Variants in PRTG observed in about 807,000 individuals in gnomAD.
The protein encoded by PRTG is protogenin.
PRTG carries 67 observed loss-of-function variants against 122.5 expected under a neutral mutation model. That is an observed-to-expected ratio of 0.55 (90% CI 0.45 to 0.67). The LOEUF is 0.67. PRTG is among the 30% of genes least tolerant of loss of function. PRTG has a pLI of 0.00. For synonymous variants in PRTG, 554 were observed against 501.1 expected, an observed-to-expected ratio of 1.11 and a Z score of -1.41; for missense variants, 1,435 against 1,415.4, an observed-to-expected ratio of 1.01 and a Z score of -0.22.
chr15:55,739,735 AAGAAATC>A (rs1460032832), intron 2 of PRTG, among the ~76,000 whole-genome samples: 1 of 152,218 alleles, frequency 6.6e-6, no homozygotes, highest in Non-Finnish European at 1.5e-5. Flanking sequence ...GTTAATACAA[AAGAAATC>A]ATTAGATAGC....
intron 11 of PRTG, among the ~76,000 whole-genome samples, chr15:55,647,137 G>A (rs748926833): frequency 5.3e-5 from 8 of 152,202 alleles, no homozygotes; most frequent in East Asian, 3.9e-4. Flanking sequence ...AGGAATAGCC[G>A]GGCGTGGTGG....
intron 15 of PRTG, among the ~76,000 whole-genome samples, chr15:55,631,611 T>C (rs1054084166): frequency 6.6e-6 from 1 of 152,236 alleles, no homozygotes; most frequent in Non-Finnish European, 1.5e-5. Context: ...ATTAGTGTGA[T>C]TATTTCCGTC....
chr15:55,712,519 C>T (rs1442179346), intron 2 of PRTG, among the ~76,000 whole-genome samples: 2 of 152,042 alleles, frequency 1.3e-5, no homozygotes, highest in African/African-American at 4.8e-5. Flanking sequence ...CCAATTTGAT[C>T]ACTAAGACAA....
intron 11 of PRTG, among the ~76,000 whole-genome samples, chr15:55,643,712 C>A (rs1396769391): frequency 6.6e-6 from 1 of 151,734 alleles, no homozygotes; most frequent in Non-Finnish European, 1.5e-5. Context: ...GAATGAGCCA[C>A]TGCAGCAGGC....
Position 55,639,963 on chromosome 15 carries a change from C to G in PRTG, c.2138-135G>C, listed in dbSNP as rs747223715. 6.8e-4 allele frequency: 989 copies of G among 1,461,696 alleles called. 2 individuals carry two copies. The highest frequency in any genetic ancestry group is 8.5e-4 in the Non-Finnish European group (938 of 1,107,496). The allele number at this position is 1,461,696 out of a possible 1,614,324, so 90.5% of individuals were successfully genotyped here. A position where few individuals can be genotyped will look rare whatever the true frequency, so the allele number is the denominator to read the frequency against. On this transcript the variant is annotated intron_variant, in intron 12 of 19. Transcript: ENST00000389286. ...TCTTCCACCAGAGATTCATAGTGAT[C>G]TAGAGATGTATCATCCAAACCTAAA... is the stretch of plus-strand genomic sequence containing the variant.
At chr15:55,665,852 T>C (rs1034718440) in intron 11 of PRTG, among the ~76,000 whole-genome samples, 1 of 152,188 alleles carries the variant, frequency 6.6e-6, no homozygotes, top group African/African-American at 2.4e-5. Flanking sequence ...TATATTTCAC[T>C]GTACCCAGCC....
intron 11 of PRTG, among the ~76,000 whole-genome samples, chr15:55,665,652 TCTC>T (rs1425483997): frequency 2.0e-5 from 3 of 151,862 alleles, no homozygotes; most frequent in African/African-American, 7.3e-5. Flanking sequence ...TTGAAGCAAT[TCTC>T]CTGCTTCAGC....
At chr15:55,713,748 T>G (rs1339644796) in intron 2 of PRTG, among the ~76,000 whole-genome samples, 1 of 152,050 alleles carries the variant, frequency 6.6e-6, no homozygotes, top group African/African-American at 2.4e-5. Context: ...TTTACTAGGA[T>G]GTTTGCTTCT....
chr15:55,640,609 T>C (rs1222584348), intron 12 of PRTG, among the ~76,000 whole-genome samples: 4 of 152,230 alleles, frequency 2.6e-5, no homozygotes, highest in Admixed American at 2.6e-4. Context: ...AGATATTCAG[T>C]GGTTATTTTC....
chr15:55,630,171 A>G (rs1001549826), intron 15 of PRTG, among the ~76,000 whole-genome samples: 1 of 152,038 alleles, frequency 6.6e-6, no homozygotes, highest in Admixed American at 6.6e-5. Context: ...TATTTTTAGT[A>G]GAGACAGGGT....
At chr15:55,703,630 G>A (rs936427494) in intron 2 of PRTG, among the ~76,000 whole-genome samples, 6 of 152,166 alleles carry the variant, frequency 3.9e-5, no homozygotes, top group South Asian at 2.1e-4. Flanking sequence ...GTAAGTTTTC[G>A]ATAATCATTA....
In PRTG at chr15:55,679,385, C is replaced by T. The variant is rs1567096090; in HGVS notation, c.1034G>A (p.Arg345Gln). 4 of 1,613,480 alleles carry T rather than the reference C, an allele frequency of 2.5e-6. No homozygotes were observed. The highest frequency in any genetic ancestry group is 2.5e-6 in the Non-Finnish European group (3 of 1,179,530). ...SLTRPRAGTARFVCQAEGIPS... is the reference protein window; with the variant it reads ...SLTRPRAGTAQFVCQAEGIPS... ...GATTCCTTCTGCCTGACACACAAAT[C>T]GAGCAGTGCCAGCTCGAGGCCTTGT... is the stretch of plus-strand genomic sequence containing the variant. Residue 345 changes from arginine to glutamine, a missense_variant, in exon 7 of 20, where the codon CGA (arginine) becomes CAA (glutamine). Arg to Gln is a conservative substitution (Grantham distance 43). Coordinates refer to ENST00000389286, the MANE Select transcript of PRTG (RefSeq NM_173814.6).
chr15:55,698,994 C>T (rs1275314206), intron 2 of PRTG, among the ~76,000 whole-genome samples: 2 of 152,072 alleles, frequency 1.3e-5, no homozygotes, highest in Non-Finnish European at 2.9e-5. Context: ...CAAATGGTAG[C>T]GCTCTTCTCA....
intron 2 of PRTG, among the ~76,000 whole-genome samples, chr15:55,693,516 G>A (rs1197080578): frequency 6.6e-6 from 1 of 151,790 alleles, no homozygotes; most frequent in Admixed American, 6.6e-5. Context: ...AGAAAACCAG[G>A]AATAAAAGCC....
At chr15:55,714,205 GTCTCTCTCTCTC>G (rs3049129) in intron 2 of PRTG, among the ~76,000 whole-genome samples, 55 of 142,682 alleles carry the variant, frequency 3.9e-4, no homozygotes, top group Non-Finnish European at 7.4e-4. Flanking sequence ...CTATTTATCT[GTCTCTCTCTCTC>G]TCTCTCTCTC....
intron 2 of PRTG, among the ~76,000 whole-genome samples, chr15:55,699,734 A>T (rs1409710774): frequency 6.6e-6 from 1 of 152,176 alleles, no homozygotes; most frequent in Non-Finnish European, 1.5e-5. Context: ...AAGGATAAGG[A>T]CAGCTGTATT....
At chr15:55,714,260 T>C (rs1267333262) in intron 2 of PRTG, among the ~76,000 whole-genome samples, 2 of 150,982 alleles carry the variant, frequency 1.3e-5, no homozygotes, top group Admixed American at 1.3e-4. Context: ...GGTCTTGCTC[T>C]GTTGCCCAGG....
chr15:55,620,671 C>G lies in PRTG; in HGVS notation c.3190G>C (p.Val1064Leu), dbSNP rs2059161228. 6.3e-7 allele frequency: 1 copy of G among 1,590,994 alleles called. No individual in the cohort carries two copies. Among genetic ancestry groups the G allele is most frequent in the South Asian group, 1.2e-5 (1 of 85,702 alleles). ...FFFQDSKKIQ[V>L]EQPQRRFTPA... ...TCATTTAGATAGGTTACCTGCTCAA[C>G]TTGTATCTTCTTTGAGTCTTGGAAA... The change falls in exon 19 of 20, where the codon GTT (valine) becomes CTT (leucine). Residue 1064 changes from valine to leucine, a missense_variant. By Grantham distance (32) the Val-to-Leu change is conservative (BLOSUM62 1). Transcript: ENST00000389286.
At chr15:55,653,183 T>A (rs9920076) in intron 11 of PRTG, among the ~76,000 whole-genome samples, 116,221 of 152,018 alleles carry the variant, frequency 0.76, 45,244 homozygotes, top group Non-Finnish European at 0.84. Context: ...AGAACGGCAG[T>A]TGGAGGGGTC....
Sources: allele counts gnomAD v4.1 joint callset (sites outside exome capture counted in the v4.1 genomes callset), GRCh38; gene constraint gnomAD v4.1.1; transcripts MANE v1.5; gene names NCBI Gene and HGNC (gene_info 2026-07-23, HGNC 2026-07-21).